CSTF3: variants seen among roughly 807,000 people sequenced by gnomAD.
The protein encoded by CSTF3 is CF-1 77 kDa subunit.
In CSTF3, 29 loss-of-function variants were observed where a neutral mutation model predicts 105.8. The observed-to-expected ratio is 0.27, with a 90% CI of 0.20 to 0.37. The LOEUF (loss-of-function observed/expected upper bound fraction) is 0.37, where lower values mean the gene tolerates loss of function less well. Ranked by LOEUF, CSTF3 falls within the 10% of genes least tolerant of loss-of-function variation. The pLI, the probability that CSTF3 is intolerant of heterozygous loss-of-function variation, is 1.00. For missense variants in CSTF3, 357 were observed against 879.3 expected (o/e 0.41, Z 7.51); for synonymous variants, 252 against 281.9 (o/e 0.89, Z 1.06).
chr11:33,094,932 CT>C (rs1475123195), intron 15 of CSTF3, among the ~76,000 whole-genome samples: 4 of 152,018 alleles, frequency 2.6e-5, no homozygotes, highest in Non-Finnish European at 4.4e-5. Context: ...GAGTTTCGCT[CT>C]TGTTGCCCAG....
At chr11:33,127,371 T>C (rs1226148334) in intron 3 of CSTF3, among the ~76,000 whole-genome samples, 3 of 152,194 alleles carry the variant, frequency 2.0e-5, no homozygotes, top group African/African-American at 7.2e-5. Context: ...ATTTAAAAAA[T>C]TGTATCAGAA....
At chr11:33,126,149 A>G (rs1855540361) in intron 3 of CSTF3, among the ~76,000 whole-genome samples, 1 of 152,200 alleles carries the variant, frequency 6.6e-6, no homozygotes, top group African/African-American at 2.4e-5. Flanking sequence ...AAAGTAATCT[A>G]TTAAAGAAGC....
chr11:33,102,210 G>A lies in CSTF3; in HGVS notation c.793C>T (p.Arg265Cys). The change falls in exon 10 of 21, where the codon CGT becomes TGT. Residue 265 changes from arginine (R) to cysteine (C), a missense_variant. Around this residue, in one of 4 missense-constraint regions of CSTF3, gnomAD observed 206 missense variants for 576.5 expected, o/e 0.36. Coordinates refer to ENST00000323959, the MANE Select transcript of CSTF3 (RefSeq NM_001326.3). ...GTTATAAGGGTCTGATCCTCTGTAC[G>A]AAGAGGGTTGCTCTTTTCCCACTGT... ...YIQWEKSNPL[R>C]TEDQTLITKR... The A allele has an allele frequency of 6.2e-7, 1 of 1,613,876 alleles. No homozygotes were observed. The highest frequency in any genetic ancestry group is 8.5e-7 in the Non-Finnish European group (1 of 1,179,816).
At chr11:33,149,103 T>G (rs1855824299) in intron 1 of CSTF3, among the ~76,000 whole-genome samples, 1 of 152,198 alleles carries the variant, frequency 6.6e-6, no homozygotes, top group Admixed American at 6.5e-5. Context: ...CTCTGTAAAT[T>G]CTGGCCTACA....
intron 3 of CSTF3, among the ~76,000 whole-genome samples, chr11:33,115,228 T>C (rs1855419802): frequency 6.6e-6 from 1 of 152,200 alleles, no homozygotes; most frequent in African/African-American, 2.4e-5. Context: ...ATTCTACTTG[T>C]ATTAATTATC....
At chr11:33,156,723 T>C (rs1448934792) in intron 1 of CSTF3, 1 of 453,936 alleles carries the variant, frequency 2.2e-6, no homozygotes, top group Non-Finnish European at 4.4e-6. Flanking sequence ...ATCCAACAGT[T>C]TGGAAGGCTG....
chr11:33,139,413 T>G (rs1855686725), intron 3 of CSTF3, among the ~76,000 whole-genome samples: 1 of 152,004 alleles, frequency 6.6e-6, no homozygotes, highest in Admixed American at 6.6e-5. Context: ...AGTATTACTT[T>G]CAATGTAAAA....
At chr11:33,142,289 A>G (rs1370906788) in intron 1 of CSTF3, among the ~76,000 whole-genome samples, 1 of 152,098 alleles carries the variant, frequency 6.6e-6, no homozygotes, top group Non-Finnish European at 1.5e-5. Context: ...ACACAGTATA[A>G]CAACTATTTA....
At chr11:33,092,896 A>T (rs1855183751) in intron 15 of CSTF3, among the ~76,000 whole-genome samples, 1 of 152,240 alleles carries the variant, frequency 6.6e-6, no homozygotes, top group African/African-American at 2.4e-5. Flanking sequence ...ACAGAGGTGT[A>T]TTAAATTTTA....
At position 33,099,795 on chromosome 11, in the gene CSTF3, C is replaced by A; in HGVS notation, c.827-78G>T. ...AAACTATCAATGTAAATATCATAAC[C>A]AAATTAGGCTCCTCAAAAATTAATG... On this transcript the variant is annotated intron_variant, in intron 10 of 20. Transcript: ENST00000323959. The surrounding 1 kb of genome is among the most constrained non-coding windows in gnomAD (Gnocchi z 4.1). 1.2e-6 allele frequency: 1 copy of A among 842,710 alleles called. No individual in the cohort carries two copies. Among genetic ancestry groups the A allele is most frequent in the Non-Finnish European group, 1.8e-6 (1 of 570,652 alleles). 52.2% of individuals were successfully genotyped at this position (842,710 alleles called of 1,614,324 possible). A position where few individuals can be genotyped will look rare whatever the true frequency, so the allele number is the denominator to read the frequency against.
chr11:33,139,176 T>TA, intron 3 of CSTF3, among the ~76,000 whole-genome samples: 1 of 152,020 alleles, frequency 6.6e-6, no homozygotes, highest in Admixed American at 6.6e-5. Flanking sequence ...ATTTTGTACT[T>TA]AAATAGGATT....
chr11:33,096,658 T>C (rs1855225854), intron 14 of CSTF3, among the ~76,000 whole-genome samples, 177 bp downstream of exon 14: 1 of 152,204 alleles, frequency 6.6e-6, no homozygotes, highest in Non-Finnish European at 1.5e-5. Context: ...GAAGCATAAA[T>C]TAGCAAGTAG....
chr11:33,118,587 A>G (rs79132234), intron 3 of CSTF3, among the ~76,000 whole-genome samples: 6,867 of 151,814 alleles, frequency 0.045, 220 homozygotes, highest in Non-Finnish European at 0.071. Context: ...TTGCTACTCT[A>G]CCTCCCATTA....
intron 18 of CSTF3, 42 bp from the exon 19 acceptor site, chr11:33,086,031 AT>A: frequency 8.1e-7 from 1 of 1,241,344 alleles, no homozygotes; most frequent in Non-Finnish European, 1.1e-6. Context: ...GAATGGAAGA[AT>A]TTCTACACAG....
intron 13 of CSTF3, among the ~76,000 whole-genome samples, chr11:33,097,970 C>T (rs1855242208): frequency 6.6e-6 from 1 of 152,122 alleles, no homozygotes; most frequent in Non-Finnish European, 1.5e-5. Context: ...ATTAATGTTG[C>T]TGGAGTCTAG....
Position 33,144,977 on chromosome 11 carries a change from TAA to T in CSTF3, c.28-2993_28-2992del, listed in dbSNP as rs563857896. ...GGGTGACAGAGCCAGACCCTGTCTT[TAA>T]AAAAAAAAAAGCCTTTAAAGAGTAA... On this transcript the variant is annotated intron_variant, in intron 1 of 20. Transcript: ENST00000323959. 44 of 142,924 alleles carry T rather than the reference TAA, an allele frequency of 3.1e-4. No homozygotes were observed. In the South Asian group the frequency reaches 3.6e-3, roughly 12 times the overall value. The allele number at this position is 142,924 out of a possible 1,614,324, so 8.9% of individuals were successfully genotyped here. A position where few individuals can be genotyped will look rare whatever the true frequency, so the allele number is the denominator to read the frequency against.
chr11:33,156,629 T>G, intron 1 of CSTF3: 1 of 441,270 alleles, frequency 2.3e-6, no homozygotes, highest in South Asian at 1.6e-5. Flanking sequence ...TGAGGATCAT[T>G]TGGCTTGTAT....
intron 3 of CSTF3, among the ~76,000 whole-genome samples, chr11:33,135,000 G>T (rs1590280346): frequency 1.3e-5 from 2 of 151,974 alleles, no homozygotes; most frequent in Non-Finnish European, 2.9e-5. Flanking sequence ...CTCTACACAG[G>T]GTACAAGTTA....
intron 3 of CSTF3, among the ~76,000 whole-genome samples, chr11:33,125,821 C>G (rs1209580587): frequency 6.6e-6 from 1 of 152,150 alleles, no homozygotes; most frequent in East Asian, 1.9e-4. Flanking sequence ...AGGGCCAAAA[C>G]AGTTTAGGCA....
Sources: gnomAD v4.1 joint callset for allele counts (sites outside exome capture counted in the v4.1 genomes callset) on GRCh38, gnomAD v4.1.1 for gene constraint, gnomAD v4.1.1 regional missense constraint, Gnocchi (gnomAD v3.1) non-coding constraint, MANE v1.5 for transcripts, NCBI Gene and HGNC (gene_info 2026-07-23, HGNC 2026-07-21) for gene names.